The following ANKRD44 variants were observed in gnomAD, a reference collection of about 807,000 sequenced individuals.
The protein encoded by ANKRD44 is ankyrin repeat domain 44, also known as serine/threonine-protein phosphatase 6 regulatory ankyrin repeat subunit B.
ANKRD44 carries 35 observed loss-of-function variants against 116.0 expected under a neutral mutation model. The ratio of observed to expected loss-of-function variants is 0.30; its 90% CI spans 0.23 to 0.40. The LOEUF (loss-of-function observed/expected upper bound fraction) is 0.40, where lower values mean the gene tolerates loss of function less well. Among genes scored for constraint, ANKRD44 ranks in the 10% least tolerant of loss-of-function variants. ANKRD44 has a pLI of 1.00. For missense variants in ANKRD44, 1,014 were observed against 1,242.6 expected, an observed-to-expected ratio of 0.82 and a Z score of 2.77; for synonymous variants, 435 against 461.8, an observed-to-expected ratio of 0.94 and a Z score of 0.74.
At chr2:197,279,261 G>A (rs868657267) in intron 1 of ANKRD44, among the ~76,000 whole-genome samples, 1 of 152,124 alleles carries the variant, frequency 6.6e-6, no homozygotes, top group Middle Eastern at 3.2e-3. Flanking sequence ...CAATACCAGG[G>A]AGCCTACCTG....
At chr2:197,174,050 T>C (rs567441122) in intron 2 of ANKRD44, among the ~76,000 whole-genome samples, 60 of 152,136 alleles carry the variant, frequency 3.9e-4, no homozygotes, top group African/African-American at 1.3e-3. Flanking sequence ...AATAAATAAA[T>C]AAACAAACAA....
intron 2 of ANKRD44, among the ~76,000 whole-genome samples, chr2:197,150,511 T>C (rs2079617274): frequency 6.6e-6 from 1 of 152,024 alleles, no homozygotes; most frequent in South Asian, 2.1e-4. Flanking sequence ...ATCGCGCCAC[T>C]GCACTCTAGC....
At chr2:197,294,898 T>C (rs2083673881) in intron 1 of ANKRD44, among the ~76,000 whole-genome samples, 1 of 152,244 alleles carries the variant, frequency 6.6e-6, no homozygotes, top group African/African-American at 2.4e-5. Flanking sequence ...TCCCCCATCT[T>C]GGCTCTTTGA....
chr2:197,158,272 T>C (rs1374389006), intron 2 of ANKRD44, among the ~76,000 whole-genome samples: 1 of 152,166 alleles, frequency 6.6e-6, no homozygotes, highest in Admixed American at 6.5e-5. Flanking sequence ...AGAAGGAGTG[T>C]CTTTAAACTT....
At chr2:197,295,626 T>TAAAACA (rs1307197646) in intron 1 of ANKRD44, among the ~76,000 whole-genome samples, 1 of 152,088 alleles carries the variant, frequency 6.6e-6, no homozygotes, top group Non-Finnish European at 1.5e-5. Flanking sequence ...GAATAAACTC[T>TAAAACA]AAAACAATGT....
chr2:197,194,409 C>A (rs1574247246), intron 1 of ANKRD44, among the ~76,000 whole-genome samples: 1 of 152,290 alleles, frequency 6.6e-6, no homozygotes, highest in East Asian at 1.9e-4. Context: ...GTCATAAATA[C>A]ATGTAGTTAC....
chr2:197,210,825 C>A (rs2081307840), intron 1 of ANKRD44, among the ~76,000 whole-genome samples: 1 of 152,148 alleles, frequency 6.6e-6, no homozygotes, highest in Admixed American at 6.5e-5. Flanking sequence ...GAATGAGAGG[C>A]TGGAGAGGCA....
chr2:197,286,476 T>C (rs1469051256), intron 1 of ANKRD44, among the ~76,000 whole-genome samples: 2 of 151,620 alleles, frequency 1.3e-5, no homozygotes, highest in South Asian at 2.1e-4. Flanking sequence ...CTGGGCCCAA[T>C]TGATCCTCCT....
At chr2:197,078,657 T>A in intron 16 of ANKRD44, 46 bp downstream of exon 16, 1 of 1,596,242 alleles carries the variant, frequency 6.3e-7, no homozygotes, top group South Asian at 1.1e-5. Flanking sequence ...TGATTTGGGG[T>A]ATGTGTGTGT....
intron 2 of ANKRD44, among the ~76,000 whole-genome samples, chr2:197,173,149 T>G (rs1042012144): frequency 1.3e-5 from 2 of 152,190 alleles, no homozygotes; most frequent in Non-Finnish European, 2.9e-5. Flanking sequence ...ATATTCATAG[T>G]ACAGCCCCAA....
intron 27 of ANKRD44, chr2:196,990,154 A>G (rs2075892356): frequency 1.0e-6 from 1 of 985,906 alleles, no homozygotes; most frequent in African/African-American, 1.7e-5. Context: ...AAATAGTTGG[A>G]CTCTCTAAAA....
At chr2:197,288,351 G>A (rs1355197584) in intron 1 of ANKRD44, among the ~76,000 whole-genome samples, 1 of 152,122 alleles carries the variant, frequency 6.6e-6, no homozygotes, top group Admixed American at 6.5e-5. Flanking sequence ...GCAGAGAAAA[G>A]GAAACTCTTA....
chr2:197,239,533 A>G (rs1434085297), intron 1 of ANKRD44, among the ~76,000 whole-genome samples: 1 of 152,216 alleles, frequency 6.6e-6, no homozygotes, highest in Non-Finnish European at 1.5e-5. Flanking sequence ...CCCGGCCAAA[A>G]AAACAGTCTT....
At chr2:197,165,324 A>C (rs771261108) in intron 2 of ANKRD44, among the ~76,000 whole-genome samples, 2 of 152,262 alleles carry the variant, frequency 1.3e-5, no homozygotes, top group Non-Finnish European at 2.9e-5. Flanking sequence ...GAGGAACAAA[A>C]TGGAACGTGC....
intron 1 of ANKRD44, among the ~76,000 whole-genome samples, chr2:197,301,903 A>G (rs189414268): frequency 1.4e-4 from 22 of 152,340 alleles, no homozygotes; most frequent in Admixed American, 1.1e-3. Context: ...AGGGATTTAC[A>G]CTGTGGAGGA....
At chr2:197,087,157 C>T (rs1020469861) in intron 12 of ANKRD44, among the ~76,000 whole-genome samples, 4 of 152,124 alleles carry the variant, frequency 2.6e-5, no homozygotes, top group South Asian at 2.1e-4. Context: ...AGTGGATGGG[C>T]GTTACCTTCT....
At chr2:197,287,148 T>TG (rs769568262) in intron 1 of ANKRD44, among the ~76,000 whole-genome samples, 4 of 152,032 alleles carry the variant, frequency 2.6e-5, no homozygotes, top group African/African-American at 4.8e-5. Flanking sequence ...ACCACTCTAG[T>TG]GGGGATGGTG....
Position 197,201,569 on chromosome 2 carries a change from G to A in ANKRD44, c.28-14463C>T, listed in dbSNP as rs1008062053. Among the ~76,000 whole-genome samples the A allele has an allele frequency of 4.6e-5, 7 of 152,208 alleles. No individual in the cohort carries two copies. Among genetic ancestry groups the A allele is most frequent in the Non-Finnish European group, 8.8e-5 (6 of 68,034 alleles). ...CCCCCTGACGTTGGCTCTGAATGAT[G>A]TGGAGACCCTGTTAGTGTCGTCGCA... On this transcript the variant is annotated intron_variant, in intron 1 of 27. Transcript: ENST00000282272. The surrounding 1 kb of genome is among the most constrained non-coding windows in gnomAD (Gnocchi z 4.0).
At chr2:197,124,561 G>A (rs1000582323) in intron 6 of ANKRD44, among the ~76,000 whole-genome samples, 1 of 152,074 alleles carries the variant, frequency 6.6e-6, no homozygotes, top group South Asian at 2.1e-4. Context: ...AACACTCATG[G>A]ACTCATCACT....
Sources: gnomAD v4.1 joint callset for allele counts (sites outside exome capture counted in the v4.1 genomes callset) on GRCh38, gnomAD v4.1.1 for gene constraint, Gnocchi (gnomAD v3.1) non-coding constraint, MANE v1.5 for transcripts, NCBI Gene and HGNC (gene_info 2026-07-23, HGNC 2026-07-21) for gene names.